The following ADAM23 variants were observed in gnomAD, a reference collection of about 807,000 sequenced individuals.
The protein encoded by ADAM23 is ADAM metallopeptidase domain 23.
A neutral mutation model predicts 120.1 loss-of-function variants in ADAM23; 33 were observed. That is an observed-to-expected ratio of 0.27 (90% CI 0.21 to 0.37). ADAM23 has a LOEUF of 0.37. Among genes scored for constraint, ADAM23 ranks in the 10% least tolerant of loss-of-function variants. The probability of loss-of-function intolerance (pLI) is 1.00; values close to 1 mark genes in which losing one functional copy is unlikely to be tolerated. For synonymous variants in ADAM23, 367 were observed against 375.2 expected (o/e 0.98, Z 0.25); for missense variants, 862 against 1,058.2 (o/e 0.81, Z 2.57).
chr2:206,485,162 G>T (rs1695985736), intron 3 of ADAM23, among the ~76,000 whole-genome samples: 1 of 152,190 alleles, frequency 6.6e-6, no homozygotes, highest in Non-Finnish European at 1.5e-5. Flanking sequence ...CTGGCATGAT[G>T]AACTGGAAAT....
At chr2:206,486,589 T>G (rs1431907477) in intron 3 of ADAM23, among the ~76,000 whole-genome samples, 1 of 152,158 alleles carries the variant, frequency 6.6e-6, no homozygotes, top group Non-Finnish European at 1.5e-5. Flanking sequence ...TAACCATGAT[T>G]AGAGTGGCAC....
At chr2:206,556,695 A>G (rs568185669) in intron 9 of ADAM23, among the ~76,000 whole-genome samples, 2 of 152,306 alleles carry the variant, frequency 1.3e-5, no homozygotes, top group East Asian at 3.9e-4. Context: ...TTTCTTAAAT[A>G]AACATAAACA....
intron 18 of ADAM23, among the ~76,000 whole-genome samples, chr2:206,574,078 T>C (rs913525759): frequency 6.6e-6 from 1 of 152,200 alleles, no homozygotes; most frequent in Non-Finnish European, 1.5e-5. Flanking sequence ...TGATTTCTTG[T>C]TATGAATGCA....
intron 3 of ADAM23, among the ~76,000 whole-genome samples, chr2:206,525,501 T>C (rs927872033): frequency 6.6e-6 from 1 of 152,196 alleles, no homozygotes; most frequent in African/African-American, 2.4e-5. Context: ...GTCGTCTTGT[T>C]CTGAACAATT....
At chr2:206,590,838 G>T (rs368425977) in intron 21 of ADAM23, among the ~76,000 whole-genome samples, 15 of 152,184 alleles carry the variant, frequency 9.9e-5, no homozygotes, top group African/African-American at 3.6e-4. Flanking sequence ...CATGGGATTG[G>T]ACATCTTGAA....
At chr2:206,583,601 A>C (rs1698264160) in intron 18 of ADAM23, among the ~76,000 whole-genome samples, 1 of 152,010 alleles carries the variant, frequency 6.6e-6, no homozygotes, top group African/African-American at 2.4e-5. Context: ...GTTAATTCGA[A>C]GACTTTGTCT....
chr2:206,508,149 C>T (rs1696535236), intron 3 of ADAM23, among the ~76,000 whole-genome samples: 1 of 152,096 alleles, frequency 6.6e-6, no homozygotes, highest in South Asian at 2.1e-4. Context: ...CCTGCCTCAG[C>T]CTCCCGAGTA....
intron 24 of ADAM23, chr2:206,607,862 C>T: frequency 2.9e-6 from 1 of 346,250 alleles, no homozygotes; most frequent in Non-Finnish European, 5.5e-6. Context: ...TTCATTCAGT[C>T]ACTAAGAATT....
intron 3 of ADAM23, among the ~76,000 whole-genome samples, chr2:206,495,262 T>A (rs1326486681): frequency 6.6e-6 from 1 of 152,180 alleles, no homozygotes; most frequent in Non-Finnish European, 1.5e-5. Context: ...AAGGTCAGGT[T>A]ACCCACAAAG....
chr2:206,586,321 G>A (rs753590878), intron 18 of ADAM23, among the ~76,000 whole-genome samples: 1 of 152,182 alleles, frequency 6.6e-6, no homozygotes, highest in Non-Finnish European at 1.5e-5. Context: ...CAGGTGGGAG[G>A]CTATTACAGT....
chr2:206,598,737 T>TAAAAATAC (rs1559283394), intron 24 of ADAM23, among the ~76,000 whole-genome samples: 2 of 151,506 alleles, frequency 1.3e-5, no homozygotes, highest in East Asian at 3.9e-4. Flanking sequence ...CCATCCCTAC[T>TAAAAATAC]AAAAATACAA....
At position 206,443,755 on chromosome 2, in the gene ADAM23, G is replaced by C; in HGVS notation, c.-112G>C. On this transcript the variant is annotated 5_prime_UTR_variant, in exon 1 of 26. Transcript: ENST00000264377. ...GCCCCGAGCCCGGAGCCCCCTGCCC[G>C]CCGCGGCACCATGCGCGCCGAGCCG... is the stretch of plus-strand genomic sequence containing the variant. The C allele has an allele frequency of 2.1e-6, 1 of 477,894 alleles. No homozygotes were observed. Among genetic ancestry groups the C allele is most frequent in the Non-Finnish European group, 2.7e-6 (1 of 367,464 alleles). 29.6% of individuals were successfully genotyped at this position (477,894 alleles called of 1,614,324 possible). A position where few individuals can be genotyped will look rare whatever the true frequency, so the allele number is the denominator to read the frequency against.
chr2:206,571,246 C>A (rs1035580530), intron 16 of ADAM23, among the ~76,000 whole-genome samples: 1 of 152,028 alleles, frequency 6.6e-6, no homozygotes, highest in Non-Finnish European at 1.5e-5. Flanking sequence ...GAGGCCGAGG[C>A]GGGCAGATCA....
At chr2:206,445,007 C>G (rs879617376) in intron 1 of ADAM23, among the ~76,000 whole-genome samples, 25 of 144,048 alleles carry the variant, frequency 1.7e-4, no homozygotes, top group Admixed American at 9.6e-4. Context: ...TACCCCCCCC[C>G]CAACACTTAG....
At chr2:206,519,966 G>GT (rs1696810723) in intron 3 of ADAM23, among the ~76,000 whole-genome samples, 1 of 152,052 alleles carries the variant, frequency 6.6e-6, no homozygotes, top group Non-Finnish European at 1.5e-5. Context: ...TGTGGGTCGT[G>GT]ATATTTCTAC....
intron 18 of ADAM23, among the ~76,000 whole-genome samples, chr2:206,586,455 G>T (rs1387687227): frequency 6.6e-6 from 1 of 152,052 alleles, no homozygotes. Context: ...ACTAGATGGA[G>T]GAAGAGTGAG....
intron 18 of ADAM23, among the ~76,000 whole-genome samples, chr2:206,578,290 T>G (rs1290482428): frequency 2.6e-5 from 4 of 152,174 alleles, no homozygotes; most frequent in Non-Finnish European, 4.4e-5. Context: ...GAGATTTTGG[T>G]GCATCCATCA....
chr2:206,462,722 G>C (rs1695451328), intron 2 of ADAM23, among the ~76,000 whole-genome samples: 1 of 152,110 alleles, frequency 6.6e-6, no homozygotes, highest in Non-Finnish European at 1.5e-5. Flanking sequence ...TCAGAAGGTT[G>C]ATGGTGAGGG....
chr2:206,607,828 C>T (rs1444217311), intron 24 of ADAM23: 2 of 275,358 alleles, frequency 7.3e-6, no homozygotes, highest in Admixed American at 5.1e-5. Context: ...CTCAACATTT[C>T]TTAGTTTAAT....
Sources: allele counts gnomAD v4.1 joint callset (sites outside exome capture counted in the v4.1 genomes callset), GRCh38; gene constraint gnomAD v4.1.1; transcripts MANE v1.5; gene names NCBI Gene and HGNC (gene_info 2026-07-23, HGNC 2026-07-21).